Variants in C3 observed in about 807,000 individuals in gnomAD.
The protein encoded by C3 is C3 and PZP-like alpha-2-macroglobulin domain-containing protein 1.
A neutral mutation model predicts 207.9 loss-of-function variants in C3; 97 were observed. That is an observed-to-expected ratio of 0.47 (90% CI 0.40 to 0.55). The LOEUF (loss-of-function observed/expected upper bound fraction) is 0.55. Ranked by LOEUF, C3 falls within the 20% of genes least tolerant of loss-of-function variation. The pLI, the probability that C3 is intolerant of heterozygous loss-of-function variation, is 0.00. For missense variants in C3, 1,684 were observed against 2,171.7 expected, an observed-to-expected ratio of 0.78 and a Z score of 4.46; for synonymous variants, 848 against 857.6, an observed-to-expected ratio of 0.99 and a Z score of 0.20.
At chr19:6,708,499 CCCTT>C (rs1967833009) in intron 14 of C3, among the ~76,000 whole-genome samples, 1 of 151,400 alleles carries the variant, frequency 6.6e-6, no homozygotes, top group Non-Finnish European at 1.5e-5. Flanking sequence ...TCCTCTCCCT[CCCTT>C]CCTCCCTCCA....
intron 34 of C3, 30 bp from the exon 35 acceptor site, chr19:6,682,060 C>T (rs1251578890): frequency 6.2e-7 from 1 of 1,606,042 alleles, no homozygotes; most frequent in South Asian, 1.1e-5. Context: ...GTGAAAAATC[C>T]CTCCTGGACC....
intron 17 of C3, among the ~76,000 whole-genome samples, chr19:6,704,813 G>A (rs567764671): frequency 1.5e-4 from 22 of 151,456 alleles, no homozygotes; most frequent in Admixed American, 4.6e-4. Context: ...CAGGAGAATC[G>A]CTTGAACCCA....
intron 4 of C3, 107 bp from the exon 5 acceptor site, chr19:6,714,553 G>A (rs1320069470): frequency 3.7e-6 from 3 of 807,198 alleles, no homozygotes; most frequent in Non-Finnish European, 6.4e-6. Context: ...TGTGCACAGT[G>A]TCTACTGTGG....
At chr19:6,700,223 T>C (rs906081086) in intron 19 of C3, among the ~76,000 whole-genome samples, 1 of 134,388 alleles carries the variant, frequency 7.4e-6, no homozygotes, top group African/African-American at 2.6e-5. Flanking sequence ...ATTACATATA[T>C]ATTATATATG....
At chr19:6,685,990 CA>C in intron 29 of C3, 133 bp downstream of exon 29, 1 of 908,026 alleles carries the variant, frequency 1.1e-6, no homozygotes, top group East Asian at 2.4e-5. Flanking sequence ...AACTGATTCT[CA>C]ACTCCACTGC....
chr19:6,711,204 G>C lies in C3; in HGVS notation c.1270-8C>G, dbSNP rs1967917374. On this transcript the variant is annotated splice_region_variant and splice_polypyrimidine_tract_variant and intron_variant, in intron 11 of 40. Coordinates refer to ENST00000245907, the MANE Select transcript of C3 (RefSeq NM_000064.4). ...CTGCTTCTTCGTGCGCACCTGGGTG[G>C]GGAAAGAGGGATGCCTGCTGGTCGC... 8 of 1,610,170 alleles carry C rather than the reference G, an allele frequency of 5.0e-6. No homozygotes were observed. The highest frequency in any genetic ancestry group is 6.8e-6 in the Non-Finnish European group (8 of 1,179,388).
intron 38 of C3, 82 bp from the exon 39 acceptor site, chr19:6,678,537 T>G: frequency 9.1e-7 from 1 of 1,100,480 alleles, no homozygotes; most frequent in Non-Finnish European, 1.4e-6. Context: ...CACCCGGGCA[T>G]GTGGCTCTCT....
intron 28 of C3, 87 bp from the exon 29 acceptor site, chr19:6,686,374 T>G: frequency 2.5e-5 from 35 of 1,391,814 alleles, no homozygotes; most frequent in Non-Finnish European, 3.5e-5. Context: ...AGATGCATGC[T>G]AGACTTCCTG....
intron 39 of C3, 42 bp downstream of exon 39, chr19:6,678,330 A>T (rs1487294228): frequency 1.9e-6 from 3 of 1,613,998 alleles, no homozygotes; most frequent in Non-Finnish European, 2.5e-6. Flanking sequence ...CGTGGGGAGG[A>T]AGCCAGGGAA....
rs372604201 is a variant in C3, at chr19:6,712,335, C to T, written c.1191G>A (p.Val397=). 2 of 1,614,004 alleles carry T rather than the reference C, an allele frequency of 1.2e-6. No individual in the cohort carries two copies. Among genetic ancestry groups the T allele is most frequent in the Non-Finnish European group, 1.7e-6 (2 of 1,180,030 alleles). ...CGCCATCTCCCTGGGTTAGAGACTG[C>T]ACAGTGTCCTCGCCCTGGACTGCCA... ...VPVAVQGEDT[V]QSLTQGDGVA... Residue 397 remains valine, a synonymous_variant, in exon 11 of 41, where the codon GTG becomes GTA. Transcript: ENST00000245907.
chr19:6,686,743 C>T lies in C3; in HGVS notation c.3646+3G>A, dbSNP rs113203149. 4 of 1,613,666 alleles carry T rather than the reference C, an allele frequency of 2.5e-6. No homozygotes were observed. The highest frequency in any genetic ancestry group is 1.1e-5 in the South Asian group (1 of 91,066). Reference sequence around the variant, plus strand: ...CCCTTCACCCCTCCAGGCCAACCCTCACCTTTGGCTGTGGTCAGAAATTTG... The same window carrying T: ...CCCTTCACCCCTCCAGGCCAACCCTTACCTTTGGCTGTGGTCAGAAATTTG... On this transcript the variant is annotated splice_donor_region_variant and intron_variant, in intron 28 of 40. Transcript: ENST00000245907.
intron 27 of C3, among the ~76,000 whole-genome samples, chr19:6,688,372 G>A (rs1004744784): frequency 1.3e-5 from 2 of 152,212 alleles, no homozygotes; most frequent in African/African-American, 4.8e-5. Context: ...GACCTCAGGT[G>A]ATCTGCCGGC....
chr19:6,714,284 C>G (rs764703923), intron 5 of C3, 36 bp from the exon 6 acceptor site: 1 of 1,611,256 alleles, frequency 6.2e-7, no homozygotes, highest in African/African-American at 1.3e-5. Context: ...TCTCAGGCCT[C>G]GGAGCCCCCC....
At chr19:6,710,025 GCGGGAGAGAGAGAGAAAGGGAGAGAC>G (rs1967871174) in intron 13 of C3, among the ~76,000 whole-genome samples, 183 bp from the exon 14 acceptor site, 2 of 146,450 alleles carry the variant, frequency 1.4e-5, no homozygotes, top group African/African-American at 5.1e-5. Context: ...GGGAGAGAGG[GCGGGAGAGAGAGAGAAAGGGAGAGAC>G]AGGGAGAGAG....
chr19:6,684,300 G>A, intron 33 of C3, 88 bp downstream of exon 33: 1 of 1,011,882 alleles, frequency 9.9e-7, no homozygotes, highest in Non-Finnish European at 1.6e-6. Flanking sequence ...TACTTGGAAA[G>A]TACTGAATAT....
intron 1 of C3, among the ~76,000 whole-genome samples, chr19:6,720,184 T>C (rs1414114448): frequency 6.7e-6 from 1 of 150,158 alleles, no homozygotes. Context: ...ACCCAACCCA[T>C]AAACACCCAA....
At position 6,710,711 on chromosome 19, in the gene C3, G is replaced by T. The variant is rs144310170; in HGVS notation, c.1614C>A (p.Ile538=). The part of the protein sequence containing the change: ...SFRLVAYYTL[I]GASGQREVVA... ...CCACCTCCCTCTGGCCGCTGGCACC[G>T]ATCAGCGTGTAGTACGCCACCAGGC... Residue 538 remains isoleucine (I), a synonymous_variant, in exon 13 of 41, where the codon ATC becomes ATA. Coordinates refer to ENST00000245907, the MANE Select transcript of C3 (RefSeq NM_000064.4). 1.2e-6 allele frequency: 2 copies of T among 1,613,764 alleles called. No individual in the cohort carries two copies. The highest frequency in any genetic ancestry group is 1.7e-6 in the Non-Finnish European group (2 of 1,180,018).
rs757588860 is a variant in C3, at chr19:6,696,677, T to TG, written c.2797-19dup. ...CCTTCCGGCTACGCAGTGTTAGAGGTGGGGGGAGTCGTTGGATGAATAAAA... is the reference window on the plus strand; with the variant it reads ...CCTTCCGGCTACGCAGTGTTAGAGGTGGGGGGGAGTCGTTGGATGAATAAAA... On this transcript the variant is annotated intron_variant, in intron 21 of 40. Coordinates refer to ENST00000245907, the MANE Select transcript of C3 (RefSeq NM_000064.4). 1.2e-6 allele frequency: 2 copies of TG among 1,610,040 alleles called. No homozygotes were observed. Among genetic ancestry groups the TG allele is most frequent in the Non-Finnish European group, 1.7e-6 (2 of 1,177,008 alleles).
In C3 at chr19:6,693,560, C is replaced by T. The variant is rs11085194; in HGVS notation, c.3155-73G>A. The stretch of plus-strand genomic sequence containing the variant: ...GGGGGCACGCCAGAAAGGGCAGGGG[C>T]GGGGTGCAGAGAGGGGACAGGGGCT... On this transcript the variant is annotated intron_variant, in intron 24 of 40. Transcript: ENST00000245907. The T allele has an allele frequency of 0.44, 545,736 of 1,243,648 alleles. 113,779 individuals are homozygous for T. Among genetic ancestry groups the T allele is most frequent in the Admixed American group, 0.49 (24,430 of 49,586 alleles). 77.0% of individuals were successfully genotyped at this position (1,243,648 alleles called of 1,614,324 possible).
Sources: gnomAD v4.1 joint callset for allele counts (sites outside exome capture counted in the v4.1 genomes callset) on GRCh38, gnomAD v4.1.1 for gene constraint, MANE v1.5 for transcripts, NCBI Gene and HGNC (gene_info 2026-07-23, HGNC 2026-07-21) for gene names.